The following PHLPP1 variants were observed in gnomAD, a reference collection of about 807,000 sequenced individuals.
PHLPP1 encodes the protein PH domain leucine-rich repeat-containing protein phosphatase 1.
PHLPP1 carries 42 observed loss-of-function variants against 117.2 expected under a neutral mutation model. The observed-to-expected ratio is 0.36, with a 90% CI of 0.28 to 0.46. The LOEUF (loss-of-function observed/expected upper bound fraction) is 0.46, where lower values mean the gene tolerates loss of function less well. Ranked by LOEUF, PHLPP1 falls within the 20% of genes least tolerant of loss-of-function variation. The pLI is 1.00. For missense variants in PHLPP1, 2,084 were observed against 2,241.9 expected (o/e 0.93, Z 1.42); for synonymous variants, 1,042 against 970.7 (o/e 1.07, Z -1.37).
intron 1 of PHLPP1, among the ~76,000 whole-genome samples, chr18:62,789,513 CA>C (rs2144287825): frequency 6.6e-6 from 1 of 152,154 alleles, no homozygotes; most frequent in African/African-American, 2.4e-5. Context: ...ATATTGTTTG[CA>C]GAGGTGAAAT....
intron 9 of PHLPP1, among the ~76,000 whole-genome samples, chr18:62,917,979 C>T (rs762419901): frequency 5.9e-5 from 9 of 151,616 alleles, no homozygotes; most frequent in East Asian, 5.8e-4. Context: ...CCGAGGCAGG[C>T]GGATCAACTG....
At chr18:62,799,381 C>T (rs1913712473) in intron 1 of PHLPP1, among the ~76,000 whole-genome samples, 3 of 152,184 alleles carry the variant, frequency 2.0e-5, no homozygotes, top group African/African-American at 2.4e-5. Flanking sequence ...CACTGAGAGG[C>T]TGTGATATTC....
At chr18:62,761,280 G>T (rs1241621970) in intron 1 of PHLPP1, among the ~76,000 whole-genome samples, 6 of 152,144 alleles carry the variant, frequency 3.9e-5, no homozygotes, top group Admixed American at 3.3e-4. Flanking sequence ...GGAAGGAATG[G>T]TGATAATTAA....
chr18:62,978,292 A>T lies in PHLPP1; in HGVS notation c.4015A>T (p.Thr1339Ser), dbSNP rs186254463. 101 of 1,610,438 alleles carry T rather than the reference A, an allele frequency of 6.3e-5. 1 individual carries two copies. In the African/African-American group the frequency reaches 1.3e-3, roughly 20 times the overall value. The change falls in exon 17 of 17, where the codon ACG becomes TCG. Residue 1339 changes from threonine to serine, a missense_variant. By Grantham distance (58) the Thr-to-Ser change is moderately conservative (BLOSUM62 1). Coordinates refer to ENST00000262719, the MANE Select transcript of PHLPP1 (RefSeq NM_194449.4). This position sits in a 1 kb window ranked among gnomAD's most constrained non-coding sequence, Gnocchi z 7.0. ...DGKVNGVTES[T>S]RILGYTFLHP... is the part of the protein sequence containing the mutation. Reference sequence around the variant, plus strand: ...CAAGGTGAACGGAGTGACTGAGTCCACGCGCATCCTGGGCTACACCTTCCT... The same window carrying T: ...CAAGGTGAACGGAGTGACTGAGTCCTCGCGCATCCTGGGCTACACCTTCCT...
chr18:62,767,489 A>C (rs1912587623), intron 1 of PHLPP1, among the ~76,000 whole-genome samples: 1 of 152,346 alleles, frequency 6.6e-6, no homozygotes, highest in East Asian at 1.9e-4. Flanking sequence ...TCTTCCGTAC[A>C]TGAAAAGTTA....
At chr18:62,919,463 G>T (rs1343570240) in intron 9 of PHLPP1, among the ~76,000 whole-genome samples, 1 of 152,222 alleles carries the variant, frequency 6.6e-6, no homozygotes, top group Non-Finnish European at 1.5e-5. Context: ...AATTAGGATT[G>T]TGAAATAAAT....
At chr18:62,805,317 T>C (rs999706234) in intron 1 of PHLPP1, among the ~76,000 whole-genome samples, 1 of 149,660 alleles carries the variant, frequency 6.7e-6, no homozygotes, top group Non-Finnish European at 1.5e-5. Context: ...ACATATACAG[T>C]GTAATATACA....
intron 4 of PHLPP1, among the ~76,000 whole-genome samples, chr18:62,870,090 G>T (rs1915862866): frequency 6.6e-6 from 1 of 152,022 alleles, no homozygotes; most frequent in African/African-American, 2.4e-5. Context: ...ACGGAGGGGG[G>T]TCTCACCATA....
intron 8 of PHLPP1, among the ~76,000 whole-genome samples, chr18:62,914,260 A>G (rs917825075): frequency 6.6e-6 from 1 of 152,182 alleles, no homozygotes; most frequent in African/African-American, 2.4e-5. Context: ...AAATTTGAAA[A>G]TAAAACTATG....
intron 4 of PHLPP1, among the ~76,000 whole-genome samples, chr18:62,880,720 G>A (rs948829530): frequency 4.6e-5 from 7 of 152,254 alleles, no homozygotes; most frequent in African/African-American, 1.4e-4. Flanking sequence ...ATATTTCTTG[G>A]TTTTTGATTC....
chr18:62,905,029 C>G (rs1353812980), intron 7 of PHLPP1, among the ~76,000 whole-genome samples, 195 bp from the exon 8 acceptor site: 1 of 152,214 alleles, frequency 6.6e-6, no homozygotes, highest in East Asian at 1.9e-4. Flanking sequence ...ATTTCAATCT[C>G]TGAAGAAGAT....
chr18:62,946,032 A>C (rs1910271512), intron 12 of PHLPP1, among the ~76,000 whole-genome samples: 1 of 152,182 alleles, frequency 6.6e-6, no homozygotes, highest in Admixed American at 6.5e-5. Flanking sequence ...CTTTATATAC[A>C]ATGTAGTTTT....
chr18:62,929,195 G>A (rs1030093682), intron 10 of PHLPP1, among the ~76,000 whole-genome samples: 1 of 152,082 alleles, frequency 6.6e-6, no homozygotes, highest in South Asian at 2.1e-4. Flanking sequence ...TTAGAGATCT[G>A]TGCACCCATG....
At chr18:62,853,565 TC>T (rs1260044100) in intron 3 of PHLPP1, among the ~76,000 whole-genome samples, 1 of 152,172 alleles carries the variant, frequency 6.6e-6, no homozygotes, top group African/African-American at 2.4e-5. Flanking sequence ...AGATGGAGTT[TC>T]CCCATGTTGG....
chr18:62,764,182 A>C (rs1346035428), intron 1 of PHLPP1, among the ~76,000 whole-genome samples: 1 of 140,902 alleles, frequency 7.1e-6, no homozygotes, highest in Non-Finnish European at 1.5e-5. Flanking sequence ...AAAAAAAAAA[A>C]ACAACAACAA....
chr18:62,849,525 G>A (rs947798214), intron 3 of PHLPP1, among the ~76,000 whole-genome samples: 1 of 151,400 alleles, frequency 6.6e-6, no homozygotes, highest in Non-Finnish European at 1.5e-5. Context: ...GCCAGGCATT[G>A]TGGCACATGC....
In PHLPP1 at chr18:62,972,679, C is replaced by T. The variant is rs780806910; in HGVS notation, c.3726C>T (p.Tyr1242=). The T allele has an allele frequency of 6.2e-7, 1 of 1,613,254 alleles. No individual in the cohort carries two copies. Among genetic ancestry groups the T allele is most frequent in the Non-Finnish European group, 8.5e-7 (1 of 1,179,238 alleles). The change falls in exon 15 of 17, where the codon TAC becomes TAT. Residue 1242 remains tyrosine (Y), a synonymous_variant. Coordinates refer to ENST00000262719, the MANE Select transcript of PHLPP1 (RefSeq NM_194449.4). ...AAAAAACAAAAAACGAAGAAGAATA[C>T]ATGGTCAATACATTCATTGTCATGC... ...ELQKTKNEEE[Y]MVNTFIVMQR... is the part of the protein sequence containing the mutation.
At position 62,979,120 on chromosome 18, in the gene PHLPP1, G is replaced by T. The variant is rs756241463; in HGVS notation, c.4843G>T (p.Val1615Phe). 4.3e-6 allele frequency: 7 copies of T among 1,613,940 alleles called. No homozygotes were observed. Among genetic ancestry groups the T allele is most frequent in the Non-Finnish European group, 5.9e-6 (7 of 1,179,848 alleles). ...GCCCAGGAAGGCAGACTTCTCTGCC[G>T]TTGGGACCATTGGGCGCCGGAGGGC... ...GLPRKADFSA[V>F]GTIGRRRANG... Residue 1615 changes from valine (V) to phenylalanine (F), a missense_variant, in exon 17 of 17, where the codon GTT becomes TTT. This residue lies in a region of PHLPP1 where 1,365 missense variants were observed against 1,605.9 expected (regional missense o/e 0.85). Transcript: ENST00000262719.
At chr18:62,726,117 TACAC>T (rs146915477) in intron 1 of PHLPP1, among the ~76,000 whole-genome samples, 47 of 149,656 alleles carry the variant, frequency 3.1e-4, no homozygotes, top group East Asian at 1.2e-3. Context: ...TATGTGTATA[TACAC>T]ACACACACAC....
Sources: gnomAD v4.1 joint callset for allele counts (sites outside exome capture counted in the v4.1 genomes callset) on GRCh38, gnomAD v4.1.1 for gene constraint, gnomAD v4.1.1 regional missense constraint, Gnocchi (gnomAD v3.1) non-coding constraint, MANE v1.5 for transcripts, NCBI Gene and HGNC (gene_info 2026-07-23, HGNC 2026-07-21) for gene names.